The following NAV3 variants were observed in gnomAD, a reference collection of about 807,000 sequenced individuals.
NAV3 encodes the protein neuron navigator 3.
Under a neutral mutation model 244.7 loss-of-function variants are expected in NAV3, and 87 were observed. That is an observed-to-expected ratio of 0.36 (90% confidence interval 0.30 to 0.42). The LOEUF (loss-of-function observed/expected upper bound fraction) is 0.42, where lower values mean the gene tolerates loss of function less well. NAV3 is among the 20% of genes least tolerant of loss of function. NAV3 has a pLI of 1.00. For synonymous variants in NAV3, 1,126 were observed against 1,042.2 expected, an observed-to-expected ratio of 1.08 and a Z score of -1.55; for missense variants, 2,663 against 2,893.3, an observed-to-expected ratio of 0.92 and a Z score of 1.83.
At chr12:78,153,761 G>A (rs1414392545) in intron 22 of NAV3, among the ~76,000 whole-genome samples, 1 of 151,582 alleles carries the variant, frequency 6.6e-6, no homozygotes, top group Non-Finnish European at 1.5e-5. Context: ...AAATCTCTTG[G>A]GTATTTTGAG....
chr12:77,803,103 T>A (rs988163705), intron 2 of NAV3, among the ~76,000 whole-genome samples: 2 of 152,218 alleles, frequency 1.3e-5, no homozygotes, highest in Admixed American at 6.5e-5. Context: ...ACATTTTTTA[T>A]TATACTTTAT....
intron 2 of NAV3, among the ~76,000 whole-genome samples, chr12:77,773,409 A>G (rs1436300030): frequency 6.6e-6 from 1 of 152,210 alleles, no homozygotes; most frequent in Non-Finnish European, 1.5e-5. Flanking sequence ...TGACTGTTAT[A>G]CATTTTAAGG....
intron 1 of NAV3, among the ~76,000 whole-genome samples, chr12:77,864,939 A>G (rs927908844): frequency 2.0e-5 from 3 of 151,996 alleles, no homozygotes; most frequent in Admixed American, 6.6e-5. Context: ...GAGTGAGCTG[A>G]CCCAGAAGTA....
In NAV3 at chr12:78,024,324, C is replaced by T. The variant is rs567131488; in HGVS notation, c.2023+2462C>T. Among the ~76,000 whole-genome samples, 14 of 152,242 alleles carry T rather than the reference C, an allele frequency of 9.2e-5. No individual in the cohort carries two copies. In the South Asian group the frequency reaches 1.5e-3, roughly 16 times the overall value. Reference sequence around the variant, plus strand: ...ATGAATGAACCAGGAGAAAACACACCGCATGTCAATGCAACTCACTTTACA... The same window carrying T: ...ATGAATGAACCAGGAGAAAACACACTGCATGTCAATGCAACTCACTTTACA... On this transcript the variant is annotated intron_variant, in intron 9 of 39. Transcript: ENST00000397909.
chr12:78,146,401 A>C lies in NAV3; in HGVS notation c.4707+9A>C. On this transcript the variant is annotated intron_variant, in intron 21 of 39. Transcript: ENST00000397909. Reference sequence around the variant, plus strand: ...AAAAGGCTCATTCAGAGGTAAAAAAAAAATATGCAATATTTTAATATTTTC... The same window carrying C: ...AAAAGGCTCATTCAGAGGTAAAAAACAAATATGCAATATTTTAATATTTTC... 9.2e-7 allele frequency: 1 copy of C among 1,089,364 alleles called. No homozygotes were observed. The highest frequency in any genetic ancestry group is 1.3e-6 in the Non-Finnish European group (1 of 783,198). 67.5% of individuals were successfully genotyped at this position (1,089,364 alleles called of 1,614,324 possible). A position where few individuals can be genotyped will look rare whatever the true frequency, so the allele number is the denominator to read the frequency against.
intron 6 of NAV3, among the ~76,000 whole-genome samples, chr12:77,998,123 AT>A (rs1366596115): frequency 6.6e-6 from 1 of 152,152 alleles, no homozygotes; most frequent in Non-Finnish European, 1.5e-5. Context: ...TATTATTACA[AT>A]TTTGGAGGGA....
chr12:77,679,097 C>G (rs1403417129), intron 2 of NAV3, among the ~76,000 whole-genome samples: 2 of 152,124 alleles, frequency 1.3e-5, no homozygotes, highest in South Asian at 2.1e-4. Context: ...AGTTACTATG[C>G]AATGTTAACT....
At chr12:77,790,992 A>G (rs1871151800) in intron 2 of NAV3, among the ~76,000 whole-genome samples, 1 of 152,144 alleles carries the variant, frequency 6.6e-6, no homozygotes, top group Non-Finnish European at 1.5e-5. Flanking sequence ...AGGAAAACGA[A>G]ACAACAACAA....
At chr12:77,683,741 T>C (rs12320332) in intron 2 of NAV3, among the ~76,000 whole-genome samples, 8,401 of 152,000 alleles carry the variant, frequency 0.055, 532 homozygotes, top group African/African-American at 0.16. Flanking sequence ...CATAATGTTT[T>C]TGAGATTCTT....
chr12:77,672,924 A>G (rs1390238632), intron 2 of NAV3, among the ~76,000 whole-genome samples: 1 of 152,158 alleles, frequency 6.6e-6, no homozygotes, highest in Admixed American at 6.5e-5. Flanking sequence ...AGATGAGGAA[A>G]ATAACAACTA....
In NAV3 at chr12:77,977,689, T is replaced by TACACAC. The variant is rs35073855; in HGVS notation, c.671+9002_671+9007dup. ...AGTGTTTAGATAGGAGATATATATATACACACACACACACACACACGCGCA... is the reference window on the plus strand; with the variant it reads ...AGTGTTTAGATAGGAGATATATATATACACACACACACACACACACACACACGCGCA... On this transcript the variant is annotated intron_variant, in intron 5 of 39. Coordinates refer to ENST00000397909, the MANE Select transcript of NAV3 (RefSeq NM_001024383.2). Among the ~76,000 whole-genome samples, 1,336 of 142,022 alleles carry TACACAC rather than the reference T, an allele frequency of 9.4e-3. 20 individuals carry two copies. The highest frequency in any genetic ancestry group is 0.024 in the African/African-American group (904 of 38,362). 93.2% of individuals were successfully genotyped at this position (142,022 alleles called of 152,430 possible).
At chr12:77,747,538 C>T (rs1565796659) in intron 2 of NAV3, among the ~76,000 whole-genome samples, 2 of 152,130 alleles carry the variant, frequency 1.3e-5, no homozygotes, top group Non-Finnish European at 1.5e-5. Context: ...ACTGGGTATA[C>T]ACCCAAAGGA....
chr12:78,171,723 G>A (rs1436942381), intron 24 of NAV3, among the ~76,000 whole-genome samples: 1 of 151,414 alleles, frequency 6.6e-6, no homozygotes, highest in Non-Finnish European at 1.5e-5. Flanking sequence ...TAAGGTAATT[G>A]TATGGCATAT....
intron 2 of NAV3, among the ~76,000 whole-genome samples, chr12:77,681,095 T>TA (rs1874432263): frequency 3.3e-5 from 5 of 152,150 alleles, no homozygotes. Context: ...TCTTTAGGGT[T>TA]AGCAGCTTGA....
chr12:77,717,307 T>G (rs892264520), intron 2 of NAV3, among the ~76,000 whole-genome samples: 10 of 152,044 alleles, frequency 6.6e-5, no homozygotes, highest in African/African-American at 2.4e-4. Flanking sequence ...TAGAAATCAG[T>G]ATTCTACTTT....
intron 1 of NAV3, among the ~76,000 whole-genome samples, chr12:77,843,155 T>C (rs973257272): frequency 6.6e-6 from 1 of 152,208 alleles, no homozygotes; most frequent in Non-Finnish European, 1.5e-5. Context: ...CTTTTTATAC[T>C]ATTTCTTCCT....
rs762527287 is a variant in NAV3, at chr12:77,873,773, T to TATATATATATATATATAA, written c.243+42070_243+42071insTATATATATATATATAAA. 8.5e-4 allele frequency among the ~76,000 whole-genome samples: 109 copies of TATATATATATATATATAA among 128,580 alleles called. 1 individual carries two copies. The highest frequency in any genetic ancestry group is 2.8e-3 in the African/African-American group (98 of 34,742). 84.4% of individuals were successfully genotyped at this position (128,580 alleles called of 152,430 possible). ...ATATATATATATATATATATGTATATAACAGCATATGCATTATGTGAAATT... is the reference window on the plus strand; with the variant it reads ...ATATATATATATATATATATGTATATATATATATATATATATAAAACAGCATATGCATTATGTGAAATT... On this transcript the variant is annotated intron_variant, in intron 1 of 39. Transcript: ENST00000397909.
In NAV3 at chr12:78,205,118, G is replaced by A. The variant is rs1960154252; in HGVS notation, c.7018G>A (p.Asp2340Asn). Residue 2340 changes from aspartate to asparagine, a missense_variant, in exon 39 of 40, where the codon GAC becomes AAC. Physicochemically the swap from Asp to Asn is conservative, Grantham distance 23. Around this residue, in one of 6 missense-constraint regions of NAV3, gnomAD observed 543 missense variants for 672.4 expected, o/e 0.81. Coordinates refer to ENST00000397909, the MANE Select transcript of NAV3 (RefSeq NM_001024383.2). ...ATTSKHIPQT[D>N]TEGDPLMNML... ...AACCTCAAAGCACATTCCGCAAACT[G>A]ACACAGAAGGAGATCCCCTGGTAAG... 6.2e-7 allele frequency: 1 copy of A among 1,613,112 alleles called. No individual in the cohort carries two copies. Among genetic ancestry groups the A allele is most frequent in the African/African-American group, 1.3e-5 (1 of 74,872 alleles).
intron 22 of NAV3, among the ~76,000 whole-genome samples, chr12:78,155,122 C>T (rs1477288540): frequency 6.6e-6 from 1 of 151,934 alleles, no homozygotes; most frequent in Non-Finnish European, 1.5e-5. Context: ...CAACTCATCG[C>T]CTAGATATTA....
Sources: gnomAD v4.1 joint callset for allele counts (sites outside exome capture counted in the v4.1 genomes callset) on GRCh38, gnomAD v4.1.1 for gene constraint, gnomAD v4.1.1 regional missense constraint, MANE v1.5 for transcripts, NCBI Gene and HGNC (gene_info 2026-07-23, HGNC 2026-07-21) for gene names.